ADGRB1: variants seen among roughly 807,000 people sequenced by gnomAD.
ADGRB1 encodes adhesion G protein-coupled receptor B1.
A neutral mutation model predicts 175.7 loss-of-function variants in ADGRB1; 36 were observed. The ratio of observed to expected loss-of-function variants is 0.20; its 90% CI spans 0.16 to 0.27. The LOEUF is 0.27. Ranked by LOEUF, ADGRB1 falls within the 10% of genes least tolerant of loss-of-function variation. ADGRB1 has a pLI of 1.00. For synonymous variants in ADGRB1, 1,054 were observed against 979.4 expected, an observed-to-expected ratio of 1.08 and a Z score of -1.42; for missense variants, 1,731 against 2,255.3, an observed-to-expected ratio of 0.77 and a Z score of 4.71.
At chr8:142,483,207 C>T (rs1841461594) in intron 11 of ADGRB1, among the ~76,000 whole-genome samples, 1 of 146,976 alleles carries the variant, frequency 6.8e-6, no homozygotes, top group Non-Finnish European at 1.5e-5. Context: ...TGGTCACACA[C>T]TGAGCCCTGA....
rs1184541427 is a variant in ADGRB1, at chr8:142,526,535, C to G, written c.3313-7C>G. ...CCCCCACACCCCCACCACTCTCTGC[C>G]CGGCAGGTGAACATGGTCATTGGGA... On this transcript the variant is annotated splice_region_variant and splice_polypyrimidine_tract_variant and intron_variant, in intron 23 of 30. Coordinates refer to ENST00000517894, the MANE Select transcript of ADGRB1 (RefSeq NM_001702.3). 1 of 1,590,496 alleles carries G rather than the reference C, an allele frequency of 6.3e-7. No homozygotes were observed. The highest frequency in any genetic ancestry group is 1.3e-5 in the African/African-American group (1 of 74,422).
intron 24 of ADGRB1, among the ~76,000 whole-genome samples, chr8:142,531,501 A>G (rs911197852): frequency 1.1e-4 from 17 of 152,214 alleles, no homozygotes; most frequent in African/African-American, 4.1e-4. Flanking sequence ...GGAAGGGCCA[A>G]GGAGGTTGGT....
chr8:142,510,138 A>G lies in ADGRB1; in HGVS notation c.2676-794A>G, dbSNP rs536237457. ...CAGGAGGAGGAGGTTGGGGGTGGAG[A>G]GGAGGAGGAGGGGTTTGCAGAGCAG... On this transcript the variant is annotated intron_variant, in intron 17 of 30. Transcript: ENST00000517894. This position sits in a 1 kb window ranked among gnomAD's most constrained non-coding sequence, Gnocchi z 6.3. 6.6e-6 allele frequency among the ~76,000 whole-genome samples: 1 copy of G among 152,058 alleles called. No individual in the cohort carries two copies. The highest frequency in any genetic ancestry group is 2.4e-5 in the African/African-American group (1 of 41,474).
In ADGRB1 at chr8:142,464,368, C is replaced by T. The variant is rs749424433; in HGVS notation, c.170C>T (p.Ala57Val). 29 of 1,521,936 alleles carry T rather than the reference C, an allele frequency of 1.9e-5. No individual in the cohort carries two copies. The highest frequency in any genetic ancestry group is 2.0e-4 in the Middle Eastern group (1 of 5,126). 94.3% of individuals were successfully genotyped at this position (1,521,936 alleles called of 1,614,324 possible). A position where few individuals can be genotyped will look rare whatever the true frequency, so the allele number is the denominator to read the frequency against. The change falls in exon 2 of 31, where the codon GCG (alanine) becomes GTG (valine). Residue 57 changes from alanine to valine, a missense_variant. Ala to Val is a moderately conservative substitution (Grantham distance 64, BLOSUM62 0). Coordinates refer to ENST00000517894, the MANE Select transcript of ADGRB1 (RefSeq NM_001702.3). ...VQGKFFGYFS[A>V]AAVFPANASR... Reference sequence around the variant, plus strand: ...GGAAAGTTCTTCGGCTACTTCTCCGCGGCCGCCGTGTTCCCGGCCAACGCC... The same window carrying T: ...GGAAAGTTCTTCGGCTACTTCTCCGTGGCCGCCGTGTTCCCGGCCAACGCC...
intron 1 of ADGRB1, 139 bp from the exon 2 acceptor site, chr8:142,463,841 G>A (rs967271410): frequency 9.8e-6 from 2 of 203,218 alleles, no homozygotes; most frequent in Admixed American, 1.2e-4. Flanking sequence ...AGGGTGCCAG[G>A]GCCTGTGTCT....
intron 4 of ADGRB1, 75 bp downstream of exon 4, chr8:142,476,770 A>G: frequency 7.3e-7 from 1 of 1,360,924 alleles, no homozygotes. Context: ...GCAGCTAGTT[A>G]TGGGTAGTAA....
In ADGRB1 at chr8:142,511,290, G is replaced by C. The variant is rs926888662; in HGVS notation, c.2817+217G>C. 1.6e-4 allele frequency among the ~76,000 whole-genome samples: 25 copies of C among 152,002 alleles called. No homozygotes were observed. The highest frequency in any genetic ancestry group is 5.8e-4 in the African/African-American group (24 of 41,432). ...GGTGGCAGTGTGGAGTTGGAGACGG[G>C]CCTGGGAGGAGTCGGGACCCCCGGA... On this transcript the variant is annotated intron_variant, in intron 18 of 30. Coordinates refer to ENST00000517894, the MANE Select transcript of ADGRB1 (RefSeq NM_001702.3). The surrounding 1 kb of genome is among the most constrained non-coding windows in gnomAD (Gnocchi z 4.5).
At chr8:142,526,056 C>T (rs183577906) in intron 23 of ADGRB1, among the ~76,000 whole-genome samples, 6 of 152,266 alleles carry the variant, frequency 3.9e-5, no homozygotes, top group African/African-American at 1.4e-4. Context: ...GAAGAGCCTC[C>T]CTGGGTGCAG....
At chr8:142,522,439 T>C (rs1453762069) in intron 21 of ADGRB1, among the ~76,000 whole-genome samples, 1 of 152,242 alleles carries the variant, frequency 6.6e-6, no homozygotes, top group Non-Finnish European at 1.5e-5. Context: ...ATGTGTTCTC[T>C]GCTCATTGGA....
At chr8:142,520,226 GATGGA>G (rs1843707412) in intron 19 of ADGRB1, among the ~76,000 whole-genome samples, 2 of 142,490 alleles carry the variant, frequency 1.4e-5, no homozygotes, top group Admixed American at 7.2e-5. Context: ...TGGTGGTGGT[GATGGA>G]GTGATGATGG....
At chr8:142,482,074 C>CTGACCCTGGTCACATGCTGAGCCT (rs1337996318) in intron 11 of ADGRB1, among the ~76,000 whole-genome samples, 1 of 149,056 alleles carries the variant, frequency 6.7e-6, no homozygotes, top group Non-Finnish European at 1.5e-5. Context: ...ATGCTGAGCC[C>CTGACCCTGGTCACATGCTGAGCCT]CAACCCTGGT....
chr8:142,452,030 G>T (rs904524320), intron 1 of ADGRB1, among the ~76,000 whole-genome samples: 2 of 152,174 alleles, frequency 1.3e-5, no homozygotes, highest in African/African-American at 2.4e-5. Context: ...GCCTTGGAAG[G>T]GGGTGTGCGC....
chr8:142,519,262 T>C (rs1843625553), intron 19 of ADGRB1, among the ~76,000 whole-genome samples: 1 of 152,202 alleles, frequency 6.6e-6, no homozygotes, highest in Admixed American at 6.5e-5. Context: ...AGCATCTCCC[T>C]TGGTGAGCTC....
chr8:142,544,657 C>T lies in ADGRB1; in HGVS notation c.*240C>T, dbSNP rs147430126. On this transcript the variant is annotated 3_prime_UTR_variant, in exon 31 of 31. Coordinates refer to ENST00000517894, the MANE Select transcript of ADGRB1 (RefSeq NM_001702.3). ...CAGAGGCCGAAGGTGCCTCAGACTC[C>T]GCCCTCCTCGGGCCGAGGCCCAGCG... 1.3e-3 allele frequency: 514 copies of T among 401,988 alleles called. 5 individuals carry two copies. Among genetic ancestry groups the T allele is most frequent in the African/African-American group, 9.7e-3 (460 of 47,424 alleles). The allele number at this position is 401,988 out of a possible 1,614,324, so 24.9% of individuals were successfully genotyped here. A position where few individuals can be genotyped will look rare whatever the true frequency, so the allele number is the denominator to read the frequency against.
At chr8:142,477,595 G>C (rs763871960) in intron 6 of ADGRB1, 46 bp downstream of exon 6, 1 of 1,582,494 alleles carries the variant, frequency 6.3e-7, no homozygotes, top group Admixed American at 1.7e-5. Flanking sequence ...GGGAAGAAAG[G>C]GGAGGTCACA....
intron 2 of ADGRB1, among the ~76,000 whole-genome samples, chr8:142,467,248 C>T (rs1840331461): frequency 6.6e-6 from 1 of 152,218 alleles, no homozygotes; most frequent in Non-Finnish European, 1.5e-5. Flanking sequence ...GGGCTTTGGG[C>T]AGAAGAGCCA....
chr8:142,515,555 T>C (rs2132072229), intron 18 of ADGRB1, among the ~76,000 whole-genome samples: 1 of 152,310 alleles, frequency 6.6e-6, no homozygotes, highest in East Asian at 1.9e-4. Flanking sequence ...GCGAGACGCT[T>C]ACTCGGCCGC....
chr8:142,535,591 C>T (rs879898426), intron 25 of ADGRB1, among the ~76,000 whole-genome samples: 2 of 152,132 alleles, frequency 1.3e-5, no homozygotes, highest in East Asian at 1.9e-4. Context: ...GAGGCCATGC[C>T]GGGCAGCCCA....
chr8:142,497,682 G>C lies in ADGRB1; in HGVS notation c.2675+6867G>C, dbSNP rs543407616. ...TCAAAGATGAGCCCACCCTGGCCTA[G>C]CTTCTGCCCCTGCAGCAGCTTGGGC... On this transcript the variant is annotated intron_variant, in intron 17 of 30. Transcript: ENST00000517894. Among the ~76,000 whole-genome samples the C allele has an allele frequency of 3.9e-5, 6 of 152,336 alleles. No individual in the cohort carries two copies. In the South Asian group the frequency reaches 1.2e-3, roughly 32 times the overall value.
Sources: allele counts gnomAD v4.1 joint callset (sites outside exome capture counted in the v4.1 genomes callset), GRCh38; gene constraint gnomAD v4.1.1; non-coding constraint Gnocchi (gnomAD v3.1); transcripts MANE v1.5; gene names NCBI Gene and HGNC (gene_info 2026-07-23, HGNC 2026-07-21).